Variants in ERBB4 observed in about 807,000 individuals in gnomAD.
The protein encoded by ERBB4 is erb-b2 receptor tyrosine kinase 4, also known as receptor tyrosine-protein kinase erbB-4.
In ERBB4, 42 loss-of-function variants were observed where a neutral mutation model predicts 158.0. The ratio of observed to expected loss-of-function variants is 0.27; its 90% CI spans 0.21 to 0.34. ERBB4 has a LOEUF of 0.34. Ranked by LOEUF, ERBB4 falls within the 10% of genes least tolerant of loss-of-function variation. The probability of loss-of-function intolerance (pLI) is 1.00; values close to 1 mark genes in which losing one functional copy is unlikely to be tolerated. For synonymous variants in ERBB4, 583 were observed against 558.7 expected (o/e 1.04, Z -0.61); for missense variants, 1,333 against 1,624.1 (o/e 0.82, Z 3.08).
intron 2 of ERBB4, among the ~76,000 whole-genome samples, 194 bp from the exon 3 acceptor site, chr2:211,947,810 A>C (rs998928329): frequency 6.6e-6 from 1 of 152,236 alleles, no homozygotes; most frequent in Non-Finnish European, 1.5e-5. Context: ...TTTGAAGTAT[A>C]AGTTGTGTTT....
chr2:212,170,056 C>A (rs577072797), intron 1 of ERBB4, among the ~76,000 whole-genome samples: 2 of 152,110 alleles, frequency 1.3e-5, no homozygotes, highest in Non-Finnish European at 2.9e-5. Context: ...GACTTTGGAA[C>A]TGGGTAATGG....
chr2:211,750,759 G>A (rs2075108485), intron 4 of ERBB4, 55 bp from the exon 5 acceptor site: 2 of 1,438,326 alleles, frequency 1.4e-6, no homozygotes, highest in South Asian at 2.3e-5. Flanking sequence ...TTCACTCCTT[G>A]ACTAGGAGTA....
rs533452825 is a variant in ERBB4 at position 212,218,653 on chromosome 2, T to A, written c.83-93750A>T. Among the ~76,000 whole-genome samples the A allele has an allele frequency of 5.3e-5, 8 of 151,476 alleles. No homozygotes were observed. In the East Asian group the frequency reaches 1.6e-3, roughly 29 times the overall value. On this transcript the variant is annotated intron_variant, in intron 1 of 27. Coordinates refer to ENST00000342788, the MANE Select transcript of ERBB4 (RefSeq NM_005235.3). ...ATTCCATTTTAGTTAAATAAGGAATTTCACATTGGCAAAAGTGAGTCTATA... is the reference window on the plus strand; with the variant it reads ...ATTCCATTTTAGTTAAATAAGGAATATCACATTGGCAAAAGTGAGTCTATA...
At chr2:212,314,476 T>G (rs2087185707) in intron 1 of ERBB4, among the ~76,000 whole-genome samples, 1 of 150,862 alleles carries the variant, frequency 6.6e-6, no homozygotes, top group Admixed American at 6.6e-5. Context: ...ATTAATTCAT[T>G]AGAAAAAAAT....
chr2:212,504,942 A>G (rs1049907820), intron 1 of ERBB4, among the ~76,000 whole-genome samples: 7 of 152,242 alleles, frequency 4.6e-5, no homozygotes, highest in Non-Finnish European at 1.0e-4. Context: ...ATATGTATGT[A>G]AAGTTATGGT....
At chr2:211,456,793 C>T (rs916599664) in intron 20 of ERBB4, among the ~76,000 whole-genome samples, 2 of 152,062 alleles carry the variant, frequency 1.3e-5, no homozygotes, top group Non-Finnish European at 2.9e-5. Flanking sequence ...ATGCACAGTT[C>T]ACAATAGGGA....
intron 20 of ERBB4, among the ~76,000 whole-genome samples, chr2:211,548,499 C>T (rs1024758329): frequency 2.0e-5 from 3 of 152,104 alleles, no homozygotes; most frequent in African/African-American, 4.8e-5. Flanking sequence ...TTTAGACCAA[C>T]TCTCCATCAC....
At chr2:211,825,886 A>T (rs2077091017) in intron 3 of ERBB4, among the ~76,000 whole-genome samples, 1 of 147,570 alleles carries the variant, frequency 6.8e-6, no homozygotes, top group South Asian at 2.1e-4. Context: ...TAGATTAATT[A>T]TATTATATAA....
chr2:212,082,956 G>A (rs932093007), intron 2 of ERBB4, among the ~76,000 whole-genome samples: 6 of 151,898 alleles, frequency 4.0e-5, no homozygotes, highest in Admixed American at 2.6e-4. Flanking sequence ...CATTATAAAT[G>A]AATACAATAG....
Position 211,703,666 on chromosome 2 carries a change from G to C in ERBB4, c.1289+438C>G, listed in dbSNP as rs147293296. Among the ~76,000 whole-genome samples the C allele has an allele frequency of 7.9e-5, 12 of 152,140 alleles. No individual in the cohort carries two copies. In the East Asian group the frequency reaches 2.3e-3, roughly 29 times the overall value. On this transcript the variant is annotated intron_variant, in intron 11 of 27. Coordinates refer to ENST00000342788, the MANE Select transcript of ERBB4 (RefSeq NM_005235.3). Reference sequence around the variant, plus strand: ...AACCAGCACTACACGTACAGTGGTGGACGAGTTCCTAAAACATCAGCCCTG... The same window carrying C: ...AACCAGCACTACACGTACAGTGGTGCACGAGTTCCTAAAACATCAGCCCTG...
chr2:211,571,415 G>A (rs565345753), intron 19 of ERBB4, among the ~76,000 whole-genome samples: 1 of 152,032 alleles, frequency 6.6e-6, no homozygotes, highest in Non-Finnish European at 1.5e-5. Flanking sequence ...AAACAGCAGG[G>A]CATTTTTTTT....
chr2:211,986,877 A>C (rs2125243751), intron 2 of ERBB4, among the ~76,000 whole-genome samples: 1 of 152,332 alleles, frequency 6.6e-6, no homozygotes, highest in East Asian at 1.9e-4. Context: ...ATATTTACAA[A>C]GACTCTGGTG....
At chr2:212,323,784 A>G (rs1267636605) in intron 1 of ERBB4, among the ~76,000 whole-genome samples, 1 of 149,846 alleles carries the variant, frequency 6.7e-6, no homozygotes, top group Non-Finnish European at 1.5e-5. Flanking sequence ...ATGCTGAAAG[A>G]TTTGGTCCCT....
intron 2 of ERBB4, among the ~76,000 whole-genome samples, chr2:212,108,798 G>T (rs948417676): frequency 7.6e-5 from 11 of 144,658 alleles, no homozygotes; most frequent in Admixed American, 7.1e-4. Flanking sequence ...TAAGAAGACA[G>T]AAGAGTCACA....
rs559198934 is a variant in ERBB4, at chr2:212,101,733, T to C, written c.234+23019A>G. ...AGGCCAAGATTTCTCACTTCTTTCATTTCCTTAAGAAAAAAAAATTACTTC... is the reference window on the plus strand; with the variant it reads ...AGGCCAAGATTTCTCACTTCTTTCACTTCCTTAAGAAAAAAAAATTACTTC... On this transcript the variant is annotated intron_variant, in intron 2 of 27. Coordinates refer to ENST00000342788, the MANE Select transcript of ERBB4 (RefSeq NM_005235.3). Among the ~76,000 whole-genome samples the C allele has an allele frequency of 4.6e-5, 7 of 152,108 alleles. No individual in the cohort carries two copies. In the South Asian group the frequency reaches 1.5e-3, roughly 32 times the overall value.
intron 5 of ERBB4, among the ~76,000 whole-genome samples, chr2:211,734,929 A>AAAAAAAT (rs2074555383): frequency 6.6e-6 from 1 of 151,232 alleles, no homozygotes; most frequent in Non-Finnish European, 1.5e-5. Flanking sequence ...AAAAAAAAAA[A>AAAAAAAT]AAGACGGATT....
intron 25 of ERBB4, among the ~76,000 whole-genome samples, chr2:211,404,199 C>G (rs2063102411): frequency 6.6e-6 from 1 of 152,004 alleles, no homozygotes; most frequent in Non-Finnish European, 1.5e-5. Flanking sequence ...CTTGATTTAT[C>G]TCTTTTGTTC....
chr2:212,412,308 G>C (rs963677144), intron 1 of ERBB4, among the ~76,000 whole-genome samples: 2 of 152,186 alleles, frequency 1.3e-5, no homozygotes, highest in African/African-American at 4.8e-5. Flanking sequence ...CTGTGTTGGA[G>C]GTGGGGCCTG....
intron 3 of ERBB4, among the ~76,000 whole-genome samples, chr2:211,889,817 G>A (rs2106180562): frequency 6.6e-6 from 1 of 152,192 alleles, no homozygotes; most frequent in South Asian, 2.1e-4. Flanking sequence ...CAATGTAGGT[G>A]AAATGAATGA....
Sources: gnomAD v4.1 joint callset for allele counts (sites outside exome capture counted in the v4.1 genomes callset) on GRCh38, gnomAD v4.1.1 for gene constraint, MANE v1.5 for transcripts, NCBI Gene and HGNC (gene_info 2026-07-23, HGNC 2026-07-21) for gene names.